CTNND2: variants seen among roughly 807,000 people sequenced by gnomAD.
The protein encoded by CTNND2 is catenin delta 2, also known as catenin delta-2.
Under a neutral mutation model 144.4 loss-of-function variants are expected in CTNND2, and 22 were observed. That is an observed-to-expected ratio of 0.15 (90% CI 0.11 to 0.22). CTNND2 has a LOEUF of 0.22. Ranked by LOEUF, CTNND2 falls within the 10% of genes least tolerant of loss-of-function variation. CTNND2 has a pLI of 1.00. For synonymous variants in CTNND2, 751 were observed against 695.6 expected (o/e 1.08, Z -1.25); for missense variants, 1,353 against 1,618.8 (o/e 0.84, Z 2.82).
rs556644149 is a variant in CTNND2, at chr5:11,739,616, ATTCCCTT to A, written c.38-7351_38-7345del. On this transcript the variant is annotated intron_variant, in intron 1 of 21. Coordinates refer to ENST00000304623, the MANE Select transcript of CTNND2 (RefSeq NM_001332.4). ...CACTGAATGGGCAAAAACTGGAAGC[ATTCCCTT>A]TGAAAACCAGTACAAGACAAGGATG... 3.4e-3 allele frequency among the ~76,000 whole-genome samples: 524 copies of A among 152,326 alleles called. 2 individuals carry two copies. Among genetic ancestry groups the A allele is most frequent in the Middle Eastern group, 0.01 (3 of 294 alleles).
intron 1 of CTNND2, among the ~76,000 whole-genome samples, chr5:11,889,378 A>G (rs917789964): frequency 4.6e-5 from 7 of 152,240 alleles, no homozygotes; most frequent in African/African-American, 1.7e-4. Flanking sequence ...AAGATGCACA[A>G]CTATGTAGCC....
At chr5:11,621,070 A>G (rs1320140916) in intron 2 of CTNND2, among the ~76,000 whole-genome samples, 1 of 152,194 alleles carries the variant, frequency 6.6e-6, no homozygotes. Flanking sequence ...AACGGTGTAT[A>G]TGTGAGTGGA....
At chr5:11,856,323 G>T (rs1009915950) in intron 1 of CTNND2, among the ~76,000 whole-genome samples, 1 of 152,164 alleles carries the variant, frequency 6.6e-6, no homozygotes. Context: ...AGGGAACGAG[G>T]TAAGAAGGGA....
intron 1 of CTNND2, among the ~76,000 whole-genome samples, chr5:11,889,049 C>G (rs188413584): frequency 1.5e-4 from 23 of 152,182 alleles, no homozygotes; most frequent in African/African-American, 5.5e-4. Context: ...CACGCCCAGC[C>G]CCTAGAATGA....
intron 9 of CTNND2, among the ~76,000 whole-genome samples, chr5:11,289,495 C>T (rs1243761831): frequency 2.0e-5 from 3 of 152,220 alleles, no homozygotes; most frequent in African/African-American, 4.8e-5. Context: ...CACAAAAGAG[C>T]AACTCCTCGC....
At chr5:11,147,595 A>G (rs1203353314) in intron 12 of CTNND2, among the ~76,000 whole-genome samples, 1 of 151,890 alleles carries the variant, frequency 6.6e-6, no homozygotes, top group Non-Finnish European at 1.5e-5. Context: ...ATCTGTGTAG[A>G]GCCTTTCTCC....
chr5:11,583,313 T>C (rs991783534), intron 2 of CTNND2, among the ~76,000 whole-genome samples: 2 of 152,058 alleles, frequency 1.3e-5, no homozygotes, highest in African/African-American at 4.8e-5. Flanking sequence ...TGGATGGAGG[T>C]AAATCGTAAA....
At chr5:11,057,294 G>A (rs1746437014) in intron 16 of CTNND2, among the ~76,000 whole-genome samples, 1 of 152,178 alleles carries the variant, frequency 6.6e-6, no homozygotes, top group Non-Finnish European at 1.5e-5. Context: ...ATCTCATCTT[G>A]AATTGTAACT....
At chr5:11,110,539 C>A (rs1350987625) in intron 14 of CTNND2, among the ~76,000 whole-genome samples, 1 of 152,204 alleles carries the variant, frequency 6.6e-6, no homozygotes, top group Non-Finnish European at 1.5e-5. Context: ...TCAAATCCAG[C>A]TCCGACAATG....
At chr5:11,221,859 G>A (rs1020310798) in intron 10 of CTNND2, among the ~76,000 whole-genome samples, 1 of 152,130 alleles carries the variant, frequency 6.6e-6, no homozygotes, top group South Asian at 2.1e-4. Context: ...AAAGGCCAAG[G>A]TTTTGCTGCC....
chr5:11,433,791 G>A (rs1279916133), intron 3 of CTNND2, among the ~76,000 whole-genome samples: 1 of 152,150 alleles, frequency 6.6e-6, no homozygotes, highest in Non-Finnish European at 1.5e-5. Flanking sequence ...CCTGCATTGG[G>A]AATTGCAATT....
rs1263793722 is a variant in CTNND2, at chr5:11,076,419, TG to T, written c.2788+6276del. Among the ~76,000 whole-genome samples the T allele has an allele frequency of 1.6e-4, 25 of 152,362 alleles. No homozygotes were observed. In the East Asian group the frequency reaches 4.8e-3, roughly 29 times the overall value. On this transcript the variant is annotated intron_variant, in intron 16 of 21. Transcript: ENST00000304623. Reference sequence around the variant, plus strand: ...CCATGTGCCGAAATGGGTGGCATTTTGCTAAACTTTCTGTTGAAGCAATACA... The same window carrying T: ...CCATGTGCCGAAATGGGTGGCATTTTCTAAACTTTCTGTTGAAGCAATACA...
At chr5:10,983,571 CATTTT>C (rs1050396364) in intron 20 of CTNND2, among the ~76,000 whole-genome samples, 2 of 152,218 alleles carry the variant, frequency 1.3e-5, no homozygotes, top group African/African-American at 4.8e-5. Context: ...TCCATTTTTC[CATTTT>C]AAAGACCATT....
intron 3 of CTNND2, among the ~76,000 whole-genome samples, chr5:11,497,792 G>C (rs1448387221): frequency 6.6e-6 from 1 of 151,926 alleles, no homozygotes; most frequent in Non-Finnish European, 1.5e-5. Context: ...GTTTTGTGAT[G>C]AACTGTACTA....
intron 3 of CTNND2, among the ~76,000 whole-genome samples, chr5:11,521,821 C>T (rs576197353): frequency 1.2e-4 from 18 of 152,246 alleles, no homozygotes; most frequent in Non-Finnish European, 2.6e-4. Context: ...TGTTAAACAT[C>T]CATTAGGAAA....
chr5:11,230,860 G>C (rs1740924064), intron 10 of CTNND2, among the ~76,000 whole-genome samples: 1 of 152,144 alleles, frequency 6.6e-6, no homozygotes, highest in South Asian at 2.1e-4. Flanking sequence ...GAACTCAGTG[G>C]AATTCAAACT....
intron 10 of CTNND2, among the ~76,000 whole-genome samples, chr5:11,212,150 A>G (rs1430250369): frequency 6.6e-6 from 1 of 152,220 alleles, no homozygotes; most frequent in Non-Finnish European, 1.5e-5. Flanking sequence ...GCTTAACCAC[A>G]CTAAACTGTG....
At chr5:11,396,042 C>T (rs1007850179) in intron 6 of CTNND2, among the ~76,000 whole-genome samples, 3 of 150,432 alleles carry the variant, frequency 2.0e-5, no homozygotes, top group East Asian at 1.9e-4. Flanking sequence ...GAGATGGGCT[C>T]GGGGGTTACA....
rs557073037 is a variant in CTNND2 at position 11,596,274 on chromosome 5, T to C, written c.175-31218A>G. On this transcript the variant is annotated intron_variant, in intron 2 of 21. Coordinates refer to ENST00000304623, the MANE Select transcript of CTNND2 (RefSeq NM_001332.4). ...GCATTAAGAGTGGCATTTGTTTCAA[T>C]TTTTTGCATAATTAGCTCATGTCTT... is the stretch of plus-strand genomic sequence containing the variant. Among the ~76,000 whole-genome samples, 21 of 152,316 alleles carry C rather than the reference T, an allele frequency of 1.4e-4. No individual in the cohort carries two copies. In the Middle Eastern group the frequency reaches 0.01, roughly 74 times the overall value.
Sources: gnomAD v4.1 joint callset for allele counts (sites outside exome capture counted in the v4.1 genomes callset) on GRCh38, gnomAD v4.1.1 for gene constraint, MANE v1.5 for transcripts, NCBI Gene and HGNC (gene_info 2026-07-23, HGNC 2026-07-21) for gene names.